The following IKBKG variants were observed in gnomAD, a reference collection of about 807,000 sequenced individuals.
IKBKG encodes NF-kappa-B essential modulator.
A neutral mutation model predicts 13.7 loss-of-function variants in IKBKG; 2 were observed. That is an observed-to-expected ratio of 0.15 (90% CI 0.06 to 0.46). The LOEUF is 0.46. IKBKG is among the 20% of genes least tolerant of loss of function. IKBKG has a pLI of 0.98. For synonymous variants in IKBKG, 22 were observed against 64.4 expected, an observed-to-expected ratio of 0.34 and a Z score of 3.15; for missense variants, 53 against 150.3, an observed-to-expected ratio of 0.35 and a Z score of 3.39.
upstream of IKBKG, among the ~76,000 whole-genome samples, chrX:154,542,823 T>C (rs193062832): frequency 1.6e-3 from 181 of 112,106 alleles, no homozygotes; most frequent in African/African-American, 5.7e-3. Flanking sequence ...AGGGCCCATG[T>C]GTATCTTCTG....
At chrX:154,551,623 C>T (rs2070935283) in intron 1 of IKBKG, among the ~76,000 whole-genome samples, 1 of 111,700 alleles carries the variant, frequency 9.0e-6, no homozygotes, top group African/African-American at 3.3e-5. Context: ...ATTCAGCCCA[C>T]TACACTGGAT....
At chrX:154,555,678 C>G (rs1557235890) in intron 2 of IKBKG, among the ~76,000 whole-genome samples, 3 of 112,266 alleles carry the variant, frequency 2.7e-5, no homozygotes, top group African/African-American at 6.5e-5. Context: ...CTCCCAGGTT[C>G]AAGTGCTTCT....
At chrX:154,546,214 G>A (rs377747760), upstream of IKBKG, 11 of 1,199,585 alleles carry the variant, frequency 9.2e-6, no homozygotes, top group Non-Finnish European at 1.0e-5. Flanking sequence ...AGAGCATTGA[G>A]AAGTTAGCCC....
chrX:154,546,040 G>A, upstream of IKBKG: 1 of 1,210,363 alleles, frequency 8.3e-7, no homozygotes, highest in South Asian at 1.8e-5. Flanking sequence ...ACTCACCGAT[G>A]CACCCATGAT....
chrX:154,541,900 C>T (rs927139641), intron 1 of IKBKG, among the ~76,000 whole-genome samples: 9 of 112,110 alleles, frequency 8.0e-5, no homozygotes, highest in East Asian at 2.8e-4. Context: ...GGAGGGCCAG[C>T]GGGGGTGGGC....
upstream of IKBKG, among the ~76,000 whole-genome samples, chrX:154,543,135 C>T (rs1251663149): frequency 8.9e-6 from 1 of 111,775 alleles, no homozygotes; most frequent in Non-Finnish European, 1.9e-5. Context: ...CCATCTCCCC[C>T]ACAGCAGGAA....
At chrX:154,542,213 T>C in intron 1 of IKBKG, 4 of 841,528 alleles carry the variant, frequency 4.8e-6, no homozygotes, top group Non-Finnish European at 6.8e-6. Flanking sequence ...CGCTGGGTCA[T>C]CCCTCCCACA....
upstream of IKBKG, chrX:154,546,801 G>A: frequency 1.7e-6 from 2 of 1,161,678 alleles, no homozygotes; most frequent in Non-Finnish European, 1.1e-6. Flanking sequence ...GCGCTTCGTC[G>A]TCGTCGCCCT....
intron 1 of IKBKG, 78 bp downstream of exon 1, chrX:154,547,823 G>T: frequency 1.3e-6 from 1 of 754,975 alleles, no homozygotes; most frequent in Non-Finnish European, 1.6e-6. Flanking sequence ...GGACGTTCAG[G>T]CTCCCCCCTC....
chrX:154,544,999 TTCTTG>T (rs2070654168), upstream of IKBKG, among the ~76,000 whole-genome samples: 1 of 111,811 alleles, frequency 8.9e-6, no homozygotes, highest in East Asian at 2.8e-4. Flanking sequence ...AGCAGAGAGA[TTCTTG>T]AGTGCATCCA....
intron 1 of IKBKG, among the ~76,000 whole-genome samples, chrX:154,548,372 T>C (rs1420946046): frequency 9.0e-6 from 1 of 111,621 alleles, no homozygotes; most frequent in African/African-American, 3.3e-5. Context: ...AGGAATGTGA[T>C]CGGAATTACG....
upstream of IKBKG, among the ~76,000 whole-genome samples, chrX:154,542,732 C>T (rs1226991482): frequency 1.8e-5 from 2 of 111,971 alleles, no homozygotes; most frequent in East Asian, 2.8e-4. Flanking sequence ...CTCGGGGCTC[C>T]GGGCATTTGC....
At chrX:154,546,674 C>T, upstream of IKBKG, 1 of 614,739 alleles carries the variant, frequency 1.6e-6, no homozygotes, top group Non-Finnish European at 2.5e-6. Flanking sequence ...TGGTTAAGAC[C>T]CTCTCGATTC....
At chrX:154,551,308 C>T (rs1433215256) in intron 1 of IKBKG, among the ~76,000 whole-genome samples, 2 of 110,596 alleles carry the variant, frequency 1.8e-5, no homozygotes, top group African/African-American at 3.3e-5. Context: ...TTAGCAAGCA[C>T]ACACCCTCAA....
At chrX:154,547,511 C>T (rs2070778604), upstream of IKBKG, 4 of 754,223 alleles carry the variant, frequency 5.3e-6, no homozygotes, top group South Asian at 2.0e-4. Flanking sequence ...TCAGACTTCT[C>T]TCCGGAGCGG....
At chrX:154,560,363 T>TC (rs1231267040) in intron 4 of IKBKG, 44 bp from the exon 5 acceptor site, 4 of 1,106,594 alleles carry the variant, frequency 3.6e-6, no homozygotes, top group South Asian at 2.0e-5. Flanking sequence ...GCCCCTGCCG[T>TC]CCCCCCGTTC....
At chrX:154,548,764 A>G (rs183758117) in intron 1 of IKBKG, among the ~76,000 whole-genome samples, 151 of 109,921 alleles carry the variant, frequency 1.4e-3, no homozygotes, top group African/African-American at 4.9e-3. Context: ...GGGTTTCACT[A>G]TATGTTGGCC....
At position 154,548,478 on chromosome X, in the gene IKBKG, C is replaced by T. The variant is rs192370793; in HGVS notation, c.-16+733C>T. The stretch of plus-strand genomic sequence containing the variant: ...GTGGTAAGAGGTAATTGCAGTAATC[C>T]AGCTCAGAGACAGTGCTTTGAGCAT... On this transcript the variant is annotated intron_variant, in intron 1 of 9. Transcript: ENST00000594239. Among the ~76,000 whole-genome samples the T allele has an allele frequency of 7.1e-5, 8 of 112,762 alleles. No individual in the cohort carries two copies. The East Asian group carries it at 2.2e-3, about 31-fold the overall frequency.
chrX:154,543,688 CTTTTTA>C (rs1430696373), upstream of IKBKG, among the ~76,000 whole-genome samples: 8 of 110,035 alleles, frequency 7.3e-5, no homozygotes, highest in Non-Finnish European at 1.1e-4. Context: ...AGGTATGGCT[CTTTTTA>C]TTTTTATTTT....
Sources: allele counts gnomAD v4.1 joint callset (sites outside exome capture counted in the v4.1 genomes callset), GRCh38; gene constraint gnomAD v4.1.1; transcripts MANE v1.5; gene names NCBI Gene and HGNC (gene_info 2026-07-23, HGNC 2026-07-21).